CDH18: variants seen among roughly 807,000 people sequenced by gnomAD.
CDH18 encodes the protein cadherin 18, also known as cadherin-18.
In CDH18, 31 loss-of-function variants were observed where a neutral mutation model predicts 67.9. The ratio of observed to expected loss-of-function variants is 0.46; its 90% confidence interval spans 0.34 to 0.62. CDH18 has a LOEUF of 0.62. CDH18 is among the 20% of genes least tolerant of loss of function. The probability of loss-of-function intolerance (pLI) is 0.01; values close to 1 mark genes in which losing one functional copy is unlikely to be tolerated. For synonymous variants in CDH18, 362 were observed against 347.2 expected, an observed-to-expected ratio of 1.04 and a Z score of -0.48; for missense variants, 890 against 975.5, an observed-to-expected ratio of 0.91 and a Z score of 1.17.
At chr5:19,501,598 GT>G (rs2126751374) in intron 11 of CDH18, among the ~76,000 whole-genome samples, 1 of 151,358 alleles carries the variant, frequency 6.6e-6, no homozygotes, top group Non-Finnish European at 1.5e-5. Flanking sequence ...TTATACCTAT[GT>G]AGGTTAAACT....
intron 1 of CDH18, among the ~76,000 whole-genome samples, chr5:20,443,005 C>A (rs943950130): frequency 6.6e-6 from 1 of 150,828 alleles, no homozygotes; most frequent in African/African-American, 2.5e-5. Context: ...GTCAGGAGAT[C>A]GAGACCATCC....
At chr5:19,500,020 T>C (rs1484531421) in intron 11 of CDH18, among the ~76,000 whole-genome samples, 2 of 151,826 alleles carry the variant, frequency 1.3e-5, no homozygotes, top group Non-Finnish European at 2.9e-5. Flanking sequence ...TTCTGGGGGC[T>C]TGTAAATGTC....
At chr5:19,775,053 A>G (rs1412685386) in intron 3 of CDH18, among the ~76,000 whole-genome samples, 1 of 152,064 alleles carries the variant, frequency 6.6e-6, no homozygotes, top group Non-Finnish European at 1.5e-5. Flanking sequence ...CCAAGACAGG[A>G]ACCCTTCAGA....
intron 1 of CDH18, among the ~76,000 whole-genome samples, chr5:20,448,486 A>G (rs991673602): frequency 1.3e-5 from 2 of 152,130 alleles, no homozygotes; most frequent in African/African-American, 4.8e-5. Context: ...GCTATAGCCA[A>G]TGAAATTAGA....
At chr5:19,520,838 A>C in intron 9 of CDH18, 60 bp from the exon 10 acceptor site, 1 of 1,569,956 alleles carries the variant, frequency 6.4e-7, no homozygotes, top group Non-Finnish European at 8.7e-7. Context: ...GCTCGGTTTA[A>C]AACAAATCTC....
At chr5:19,590,808 T>C (rs763175450) in intron 7 of CDH18, among the ~76,000 whole-genome samples, 2 of 152,090 alleles carry the variant, frequency 1.3e-5, no homozygotes, top group Admixed American at 6.6e-5. Flanking sequence ...AGAGACAAAA[T>C]GAACAAAGAT....
Position 20,462,482 on chromosome 5 carries a change from T to C in CDH18, c.-580+112980A>G, listed in dbSNP as rs1451279997. 2.6e-5 allele frequency among the ~76,000 whole-genome samples: 4 copies of C among 152,150 alleles called. No individual in the cohort carries two copies. In the East Asian group the frequency reaches 7.7e-4, roughly 29 times the overall value. ...AATACACTGTATATTTCATAATAGC[T>C]AGAACAGAGAACTTGAAATGTTCCC... On this transcript the variant is annotated intron_variant, in intron 1 of 14. Transcript: ENST00000507958.
intron 2 of CDH18, among the ~76,000 whole-genome samples, chr5:20,055,878 T>A (rs1354560170): frequency 6.6e-6 from 1 of 151,948 alleles, no homozygotes; most frequent in Non-Finnish European, 1.5e-5. Context: ...GGTTCTAAGA[T>A]CATTATGAGC....
At chr5:19,605,864 G>C (rs1473982906) in intron 6 of CDH18, among the ~76,000 whole-genome samples, 1 of 152,068 alleles carries the variant, frequency 6.6e-6, no homozygotes, top group Non-Finnish European at 1.5e-5. Context: ...AGAAATTGAG[G>C]ACAAAAGCAC....
chr5:20,389,461 G>A lies in CDH18; in HGVS notation c.-579-133956C>T, dbSNP rs1464131139. Among the ~76,000 whole-genome samples, 5 of 152,068 alleles carry A rather than the reference G, an allele frequency of 3.3e-5. No individual in the cohort carries two copies. The East Asian group carries it at 9.7e-4, about 30-fold the overall frequency. On this transcript the variant is annotated intron_variant, in intron 1 of 14. Coordinates refer to the CDH18 transcript ENST00000507958. ...CTATGTGTGTCTCTGCACGTGAGATGGGTTTCCTGAATACAGCACACTGAT... is the reference window on the plus strand; with the variant it reads ...CTATGTGTGTCTCTGCACGTGAGATAGGTTTCCTGAATACAGCACACTGAT...
intron 6 of CDH18, among the ~76,000 whole-genome samples, chr5:19,611,818 A>G (rs1749008500): frequency 6.6e-6 from 1 of 151,974 alleles, no homozygotes; most frequent in Non-Finnish European, 1.5e-5. Context: ...TCTCCCTCCA[A>G]ACCCACAGGA....
intron 1 of CDH18, among the ~76,000 whole-genome samples, chr5:20,346,599 G>A (rs1740719055): frequency 6.6e-6 from 1 of 152,144 alleles, no homozygotes; most frequent in South Asian, 2.1e-4. Flanking sequence ...GCCTTGAGTT[G>A]CCTATACTGC....
At position 20,262,477 on chromosome 5, in the gene CDH18, A is replaced by T. The variant is rs943311115; in HGVS notation, c.-579-6972T>A. Among the ~76,000 whole-genome samples the T allele has an allele frequency of 1.3e-4, 20 of 152,176 alleles. 1 individual carries two copies. The highest frequency in any genetic ancestry group is 1.3e-3 in the Admixed American group (20 of 15,264). ...GTTTTATGTTGTTCTTCCATAATAC[A>T]TATGCATAAATTCTAAGGTACTGAG... On this transcript the variant is annotated intron_variant, in intron 1 of 14. Coordinates refer to the CDH18 transcript ENST00000507958.
chr5:20,294,516 T>C (rs1406174893), intron 1 of CDH18, among the ~76,000 whole-genome samples: 2 of 152,198 alleles, frequency 1.3e-5, no homozygotes, highest in Non-Finnish European at 2.9e-5. Context: ...ATGGTAAACA[T>C]TGATTTTGAT....
intron 1 of CDH18, among the ~76,000 whole-genome samples, chr5:20,547,206 T>A (rs761827803): frequency 1.2e-4 from 19 of 152,112 alleles, no homozygotes; most frequent in Non-Finnish European, 1.8e-4. Context: ...AAAACAGTGA[T>A]ATATAAAGTG....
intron 2 of CDH18, among the ~76,000 whole-genome samples, chr5:20,191,277 A>G (rs962410843): frequency 6.6e-6 from 1 of 152,026 alleles, no homozygotes; most frequent in African/African-American, 2.4e-5. Flanking sequence ...AAATGCCAAA[A>G]CCTTATCCTA....
intron 3 of CDH18, among the ~76,000 whole-genome samples, chr5:19,807,452 TA>T (rs1326091757): frequency 1.3e-5 from 2 of 152,228 alleles, no homozygotes; most frequent in African/African-American, 4.8e-5. Context: ...CTTTCCTTCT[TA>T]AAAGTAAACA....
intron 1 of CDH18, among the ~76,000 whole-genome samples, chr5:20,279,725 A>AC (rs761423489): frequency 1.6e-5 from 2 of 128,788 alleles, no homozygotes; most frequent in African/African-American, 6.8e-5. Flanking sequence ...AAAAAAAAAA[A>AC]AAAGCAAAAA....
At chr5:20,015,649 A>G (rs111965351) in intron 2 of CDH18, among the ~76,000 whole-genome samples, 164 of 152,274 alleles carry the variant, frequency 1.1e-3, no homozygotes, top group African/African-American at 3.6e-3. Context: ...TCTGTTATGG[A>G]GAACAGGGTA....
Sources: gnomAD v4.1 joint callset for allele counts (sites outside exome capture counted in the v4.1 genomes callset) on GRCh38, gnomAD v4.1.1 for gene constraint, MANE v1.5 for transcripts, NCBI Gene and HGNC (gene_info 2026-07-23, HGNC 2026-07-21) for gene names.